COMMD10: variants seen among roughly 807,000 people sequenced by gnomAD.
The protein encoded by COMMD10 is COMM domain-containing protein 10.
COMMD10 carries 33 observed loss-of-function variants against 28.9 expected under a neutral mutation model. The observed-to-expected ratio is 1.14, with a 90% CI of 0.87 to 1.53. COMMD10 has a LOEUF of 1.53. COMMD10 is among the 40% of genes most tolerant of loss of function. The probability of loss-of-function intolerance (pLI) is 0.00; values close to 1 mark genes in which losing one functional copy is unlikely to be tolerated. For missense variants in COMMD10, 310 were observed against 233.4 expected, an observed-to-expected ratio of 1.33 and a Z score of -2.14; for synonymous variants, 110 against 81.7, an observed-to-expected ratio of 1.35 and a Z score of -1.87.
Position 116,288,061 on chromosome 5 carries a change from T to A in COMMD10, c.511-3456T>A, listed in dbSNP as rs1357373523. ...TTTTATACAGCTTTGTGTTTTTGCC[T>A]GCTGTCCTTTCATTTCAACTTAAAG... On this transcript the variant is annotated intron_variant, in intron 5 of 6. Coordinates refer to ENST00000274458, the MANE Select transcript of COMMD10 (RefSeq NM_016144.4). 2.0e-5 allele frequency among the ~76,000 whole-genome samples: 3 copies of A among 151,948 alleles called. No individual in the cohort carries two copies. The East Asian group carries it at 5.8e-4, about 29-fold the overall frequency.
At chr5:116,197,107 C>G (rs945022501) in intron 5 of COMMD10, among the ~76,000 whole-genome samples, 1 of 151,920 alleles carries the variant, frequency 6.6e-6, no homozygotes, top group African/African-American at 2.4e-5. Context: ...AAAGTAAACC[C>G]TTTTGGCATT....
At chr5:116,233,337 G>A (rs1749575709) in intron 5 of COMMD10, among the ~76,000 whole-genome samples, 1 of 152,004 alleles carries the variant, frequency 6.6e-6, no homozygotes, top group Non-Finnish European at 1.5e-5. Flanking sequence ...TCATAGGTAT[G>A]CATAATAGGA....
At chr5:116,286,998 G>T (rs1751234938) in intron 5 of COMMD10, among the ~76,000 whole-genome samples, 1 of 151,718 alleles carries the variant, frequency 6.6e-6, no homozygotes, top group Admixed American at 6.6e-5. Context: ...CTTCAATCCT[G>T]CCAAAGTTTG....
intron 4 of COMMD10, among the ~76,000 whole-genome samples, chr5:116,132,881 C>T (rs78387929): frequency 0.011 from 1,690 of 152,186 alleles, 28 homozygotes; most frequent in African/African-American, 0.038. Context: ...GATTATATCT[C>T]TACAACATCT....
intron 3 of COMMD10, among the ~76,000 whole-genome samples, chr5:116,091,705 C>G (rs980713602): frequency 6.6e-6 from 1 of 152,114 alleles, no homozygotes; most frequent in Admixed American, 6.5e-5. Flanking sequence ...GTTAGTCTTT[C>G]AGCAGTTCAT....
chr5:116,276,995 T>A (rs548571636), intron 5 of COMMD10, among the ~76,000 whole-genome samples: 2 of 151,970 alleles, frequency 1.3e-5, no homozygotes, highest in South Asian at 4.1e-4. Flanking sequence ...CTAAAAACCA[T>A]TGAATTATGC....
intron 5 of COMMD10, among the ~76,000 whole-genome samples, chr5:116,203,892 A>G (rs1748741704): frequency 6.6e-6 from 1 of 152,136 alleles, no homozygotes; most frequent in Non-Finnish European, 1.5e-5. Flanking sequence ...ACATAACAAT[A>G]TTAACTTTAA....
chr5:116,125,197 G>A (rs948093663), intron 4 of COMMD10, among the ~76,000 whole-genome samples: 1 of 152,162 alleles, frequency 6.6e-6, no homozygotes, highest in African/African-American at 2.4e-5. Flanking sequence ...GGTACCAGTT[G>A]TTCCTTTCCA....
At chr5:116,220,883 G>A (rs1002365966) in intron 5 of COMMD10, among the ~76,000 whole-genome samples, 1 of 152,038 alleles carries the variant, frequency 6.6e-6, no homozygotes, top group African/African-American at 2.4e-5. Context: ...AAGAAGGGAT[G>A]GGGAGAAACA....
chr5:116,218,426 A>T, intron 5 of COMMD10: 1 of 380,546 alleles, frequency 2.6e-6, no homozygotes, highest in East Asian at 5.8e-5. Flanking sequence ...CTTAATAGTA[A>T]ATTCTTTATA....
intron 5 of COMMD10, among the ~76,000 whole-genome samples, chr5:116,146,634 A>G (rs899666680): frequency 3.9e-5 from 6 of 151,928 alleles, no homozygotes; most frequent in Non-Finnish European, 1.5e-5. Flanking sequence ...ATAAGATTTT[A>G]AGCATGTTTA....
chr5:116,253,892 C>G (rs1300861511), intron 5 of COMMD10, among the ~76,000 whole-genome samples: 1 of 150,818 alleles, frequency 6.6e-6, no homozygotes, highest in Non-Finnish European at 1.5e-5. Flanking sequence ...CTCCTTGTAC[C>G]TCTGGTAGAA....
intron 5 of COMMD10, among the ~76,000 whole-genome samples, chr5:116,186,470 A>T (rs1010906421): frequency 6.6e-6 from 1 of 152,058 alleles, no homozygotes; most frequent in Non-Finnish European, 1.5e-5. Flanking sequence ...TCTATCCTTT[A>T]ACTGGGAAAC....
intron 5 of COMMD10, among the ~76,000 whole-genome samples, chr5:116,261,670 A>G (rs890360688): frequency 2.0e-5 from 3 of 151,628 alleles, no homozygotes; most frequent in Non-Finnish European, 2.9e-5. Flanking sequence ...ATATTTTTGC[A>G]TATGTACAGA....
intron 5 of COMMD10, among the ~76,000 whole-genome samples, chr5:116,149,554 G>A (rs1427670323): frequency 1.4e-5 from 2 of 146,268 alleles, no homozygotes; most frequent in African/African-American, 2.6e-5. Context: ...CATTCTAACC[G>A]GTGTGAGATG....
At chr5:116,135,530 C>T (rs1018932076) in intron 5 of COMMD10, among the ~76,000 whole-genome samples, 1 of 152,102 alleles carries the variant, frequency 6.6e-6, no homozygotes, top group Non-Finnish European at 1.5e-5. Context: ...CTGGTGGTTT[C>T]CCTTTATGTG....
chr5:116,133,305 C>T (rs1751919645), intron 4 of COMMD10, among the ~76,000 whole-genome samples: 1 of 152,216 alleles, frequency 6.6e-6, no homozygotes. Flanking sequence ...CACATCTGTG[C>T]TCAATACTTT....
chr5:116,158,968 C>T (rs969814486), intron 5 of COMMD10, among the ~76,000 whole-genome samples: 5 of 151,860 alleles, frequency 3.3e-5, no homozygotes, highest in Non-Finnish European at 7.4e-5. Context: ...GGGTCTAGGT[C>T]ACCATGTTCA....
chr5:116,106,108 T>C (rs113551437), intron 4 of COMMD10, among the ~76,000 whole-genome samples: 8,253 of 148,390 alleles, frequency 0.056, 339 homozygotes, highest in African/African-American at 0.12. Flanking sequence ...ATTTTTTTTT[T>C]TGTGTGGGCA....
Sources: allele counts gnomAD v4.1 joint callset (sites outside exome capture counted in the v4.1 genomes callset), GRCh38; gene constraint gnomAD v4.1.1; transcripts MANE v1.5; gene names NCBI Gene and HGNC (gene_info 2026-07-23, HGNC 2026-07-21).